Variants in LRRC4C observed in about 807,000 individuals in gnomAD.
The protein encoded by LRRC4C is leucine-rich repeat-containing protein 4C.
A neutral mutation model predicts 33.6 loss-of-function variants in LRRC4C; 5 were observed. The observed-to-expected ratio is 0.15, with a 90% CI of 0.08 to 0.31. The LOEUF is 0.31. Among genes scored for constraint, LRRC4C ranks in the 10% least tolerant of loss-of-function variants. The probability of loss-of-function intolerance (pLI) is 1.00; values close to 1 mark genes in which losing one functional copy is unlikely to be tolerated. For missense variants in LRRC4C, 560 were observed against 796.7 expected (o/e 0.70, Z 3.58); for synonymous variants, 329 against 302.0 (o/e 1.09, Z -0.93).
At chr11:41,218,592 T>A (rs1333707157) in intron 1 of LRRC4C, among the ~76,000 whole-genome samples, 1 of 152,128 alleles carries the variant, frequency 6.6e-6, no homozygotes, top group African/African-American at 2.4e-5. Context: ...CTTCAAAAAA[T>A]TTTGTAGATG....
rs142499811 is a variant in LRRC4C, at chr11:40,932,791, T to G, written c.-407+844A>C. 3.2e-3 allele frequency among the ~76,000 whole-genome samples: 482 copies of G among 152,168 alleles called. 3 individuals are homozygous for G. Among genetic ancestry groups the G allele is most frequent in the African/African-American group, 0.011 (468 of 41,530 alleles). On this transcript the variant is annotated intron_variant, in intron 2 of 6. Transcript: ENST00000528697. ...GGGCAAGGTTTGAGCCCATGGAGAA[T>G]AGAGATTTTGAAAAATGCTGAAAGA...
intron 3 of LRRC4C, among the ~76,000 whole-genome samples, chr11:40,370,322 A>C (rs1948397588): frequency 6.6e-6 from 1 of 152,122 alleles, no homozygotes; most frequent in Non-Finnish European, 1.5e-5. Context: ...AACATCTAAA[A>C]CACTCGCTGA....
Position 40,605,728 on chromosome 11 carries a change from A to C in LRRC4C, c.-270+42414T>G, listed in dbSNP as rs140396476. Among the ~76,000 whole-genome samples the C allele has an allele frequency of 1.4e-3, 214 of 152,282 alleles. 1 individual carries two copies. The highest frequency in any genetic ancestry group is 5.0e-3 in the African/African-American group (206 of 41,576). ...CGTCTAAGCACTGACAGAAAAGGGCACCAGCTTGGGGATCATCAATAACAA... is the reference window on the plus strand; with the variant it reads ...CGTCTAAGCACTGACAGAAAAGGGCCCCAGCTTGGGGATCATCAATAACAA... On this transcript the variant is annotated intron_variant, in intron 3 of 6. Transcript: ENST00000528697.
At chr11:40,955,959 AG>A (rs1958935896) in intron 1 of LRRC4C, among the ~76,000 whole-genome samples, 1 of 151,804 alleles carries the variant, frequency 6.6e-6, no homozygotes, top group Non-Finnish European at 1.5e-5. Flanking sequence ...CATTCTCCGA[AG>A]GGTGCAGTCT....
intron 2 of LRRC4C, among the ~76,000 whole-genome samples, chr11:40,887,981 TA>T (rs1404137345): frequency 6.6e-6 from 1 of 151,840 alleles, no homozygotes; most frequent in African/African-American, 2.4e-5. Flanking sequence ...GTTATTATTT[TA>T]AAAAAAGATA....
At chr11:41,088,776 T>A (rs918845373) in intron 1 of LRRC4C, among the ~76,000 whole-genome samples, 2 of 152,070 alleles carry the variant, frequency 1.3e-5, no homozygotes, top group African/African-American at 4.8e-5. Context: ...AAAACTGAAC[T>A]GTGGCTGAAG....
chr11:40,199,701 A>G (rs968811138), intron 5 of LRRC4C, among the ~76,000 whole-genome samples: 2 of 152,188 alleles, frequency 1.3e-5, no homozygotes, highest in African/African-American at 4.8e-5. Flanking sequence ...AGATGGCTGA[A>G]CTATATCTGA....
intron 1 of LRRC4C, among the ~76,000 whole-genome samples, chr11:41,263,994 T>A (rs1949065884): frequency 6.6e-6 from 1 of 152,098 alleles, no homozygotes; most frequent in Non-Finnish European, 1.5e-5. Flanking sequence ...TCATCCAGAA[T>A]CAATCTACTT....
intron 3 of LRRC4C, among the ~76,000 whole-genome samples, chr11:40,320,517 C>A (rs568020695): frequency 9.9e-5 from 15 of 151,938 alleles, no homozygotes; most frequent in Non-Finnish European, 1.8e-4. Flanking sequence ...AAAATAAATA[C>A]ATAAATAAAT....
At chr11:40,505,785 G>T (rs1955004741) in intron 3 of LRRC4C, among the ~76,000 whole-genome samples, 1 of 152,082 alleles carries the variant, frequency 6.6e-6, no homozygotes, top group South Asian at 2.1e-4. Context: ...GGAGCTCGAA[G>T]CCCAATAATA....
At chr11:40,267,388 G>C (rs1003133221) in intron 4 of LRRC4C, among the ~76,000 whole-genome samples, 30 of 152,210 alleles carry the variant, frequency 2.0e-4, no homozygotes, top group Non-Finnish European at 3.8e-4. Context: ...GTCTTGCTCT[G>C]TCACCCAGGC....
At chr11:40,794,737 A>T (rs1950757952) in intron 2 of LRRC4C, among the ~76,000 whole-genome samples, 1 of 152,186 alleles carries the variant, frequency 6.6e-6, no homozygotes, top group African/African-American at 2.4e-5. Flanking sequence ...GTGCTATAAG[A>T]ATATGAGTAG....
intron 1 of LRRC4C, among the ~76,000 whole-genome samples, chr11:41,261,702 G>C (rs1948987577): frequency 6.6e-6 from 1 of 152,112 alleles, no homozygotes; most frequent in South Asian, 2.1e-4. Context: ...AGAGAGATTA[G>C]ACATCTTGTC....
chr11:41,381,639 A>C (rs1953157360), intron 1 of LRRC4C, among the ~76,000 whole-genome samples: 1 of 148,464 alleles, frequency 6.7e-6, no homozygotes, highest in Admixed American at 6.6e-5. Context: ...AAAAAAAAAA[A>C]GAAAAAAGAA....
intron 3 of LRRC4C, among the ~76,000 whole-genome samples, chr11:40,558,829 T>C (rs1957431025): frequency 6.6e-6 from 1 of 152,116 alleles, no homozygotes; most frequent in Non-Finnish European, 1.5e-5. Flanking sequence ...TACCCAACAG[T>C]AATTTTTTTC....
intron 3 of LRRC4C, among the ~76,000 whole-genome samples, chr11:40,628,644 G>A (rs952219815): frequency 1.3e-5 from 2 of 152,082 alleles, no homozygotes; most frequent in Non-Finnish European, 2.9e-5. Flanking sequence ...ATTGTCAAGT[G>A]TTGAGGTCAC....
intron 1 of LRRC4C, among the ~76,000 whole-genome samples, chr11:40,974,337 C>A (rs980942939): frequency 2.0e-5 from 3 of 152,122 alleles, no homozygotes; most frequent in Non-Finnish European, 2.9e-5. Context: ...TAGTACATTT[C>A]TATTTCCAGG....
At chr11:41,405,452 G>T (rs1449804235) in intron 1 of LRRC4C, among the ~76,000 whole-genome samples, 8 of 152,064 alleles carry the variant, frequency 5.3e-5, no homozygotes. Context: ...ATCTCTCCAG[G>T]TTACTAAATC....
intron 1 of LRRC4C, among the ~76,000 whole-genome samples, chr11:41,314,737 T>C (rs1178821546): frequency 2.0e-5 from 3 of 151,948 alleles, no homozygotes; most frequent in Non-Finnish European, 4.4e-5. Context: ...ACAGGGCACA[T>C]GTATACCTAT....
Sources: allele counts gnomAD v4.1 joint callset (sites outside exome capture counted in the v4.1 genomes callset), GRCh38; gene constraint gnomAD v4.1.1; transcripts MANE v1.5; gene names NCBI Gene and HGNC (gene_info 2026-07-23, HGNC 2026-07-21).